Variants in MAP4K3 observed in about 807,000 individuals in gnomAD.
MAP4K3 encodes the protein mitogen-activated protein kinase kinase kinase kinase 3.
Under a neutral mutation model 143.5 loss-of-function variants are expected in MAP4K3, and 94 were observed. The observed-to-expected ratio is 0.65, with a 90% confidence interval of 0.55 to 0.78. MAP4K3 has a LOEUF of 0.78. Ranked by LOEUF, MAP4K3 falls within the 30% of genes least tolerant of loss-of-function variation. The probability of loss-of-function intolerance (pLI) is 0.00; values close to 1 mark genes in which losing one functional copy is unlikely to be tolerated. For synonymous variants in MAP4K3, 416 were observed against 347.2 expected (o/e 1.20, Z -2.20); for missense variants, 1,077 against 1,068.1 (o/e 1.01, Z -0.12).
At chr2:39,397,003 T>C (rs553754785) in intron 1 of MAP4K3, among the ~76,000 whole-genome samples, 2 of 152,182 alleles carry the variant, frequency 1.3e-5, no homozygotes, top group South Asian at 4.1e-4. Context: ...TTGTAACACA[T>C]ACCAATAAGT....
At chr2:39,345,287 G>A (rs1379057918) in intron 3 of MAP4K3, among the ~76,000 whole-genome samples, 1 of 150,434 alleles carries the variant, frequency 6.6e-6, no homozygotes, top group Non-Finnish European at 1.5e-5. Context: ...CTGAGGCAGG[G>A]TGCAGGGGGT....
chr2:39,395,749 A>C (rs568904326), intron 1 of MAP4K3, among the ~76,000 whole-genome samples: 18 of 152,158 alleles, frequency 1.2e-4, no homozygotes, highest in Non-Finnish European at 2.4e-4. Flanking sequence ...AGAATCAGAC[A>C]CTCAAATATG....
chr2:39,371,670 T>A (rs570259277), intron 2 of MAP4K3, among the ~76,000 whole-genome samples: 9 of 151,488 alleles, frequency 5.9e-5, no homozygotes, highest in African/African-American at 2.2e-4. Context: ...ATACACAGAC[T>A]AAAATAAAGG....
chr2:39,262,555 A>G (rs1002192405), intron 28 of MAP4K3, among the ~76,000 whole-genome samples: 3 of 152,160 alleles, frequency 2.0e-5, no homozygotes, highest in Non-Finnish European at 4.4e-5. Context: ...ACACAGAAAC[A>G]ACGCTTTAAA....
intron 1 of MAP4K3, among the ~76,000 whole-genome samples, chr2:39,383,391 G>C (rs1047709526): frequency 7.3e-6 from 1 of 137,342 alleles, no homozygotes; most frequent in Non-Finnish European, 1.6e-5. Context: ...AGAAGAGCAA[G>C]ACGGTAATCA....
chr2:39,287,879 G>C (rs958141432), intron 20 of MAP4K3, among the ~76,000 whole-genome samples: 5 of 152,140 alleles, frequency 3.3e-5, no homozygotes, highest in African/African-American at 4.8e-5. Context: ...CCAGTCTCTA[G>C]AAGAGAGAAG....
intron 1 of MAP4K3, among the ~76,000 whole-genome samples, chr2:39,380,036 T>C (rs1431587236): frequency 6.6e-6 from 1 of 152,130 alleles, no homozygotes; most frequent in Admixed American, 6.5e-5. Context: ...GGTTGACTTA[T>C]GAATACAATT....
At chr2:39,386,067 A>T (rs1343880686) in intron 1 of MAP4K3, among the ~76,000 whole-genome samples, 1 of 152,224 alleles carries the variant, frequency 6.6e-6, no homozygotes, top group Non-Finnish European at 1.5e-5. Flanking sequence ...GAACATGACT[A>T]TATTCAGAGG....
intron 13 of MAP4K3, among the ~76,000 whole-genome samples, chr2:39,310,332 G>A (rs1330937667): frequency 6.6e-6 from 1 of 152,082 alleles, no homozygotes; most frequent in Admixed American, 6.5e-5. Flanking sequence ...TACCACATAT[G>A]AATGAGGACA....
chr2:39,331,957 T>A lies in MAP4K3; in HGVS notation c.490A>T (p.Thr164Ser), dbSNP rs775743312. 5 of 1,575,760 alleles carry A rather than the reference T, an allele frequency of 3.2e-6. No individual in the cohort carries two copies. The Admixed American group carries it at 6.7e-5, about 21-fold the overall frequency. The stretch of plus-strand genomic sequence containing the variant: ...ATGAAAGACTTCCGTTTGGCAATTG[T>A]AGCTGTTATCTGTGCAGATACTCCA... ...DFGVSAQITA[T>S]IAKRKSFIGT... The change falls in exon 8 of 34, where the codon ACA becomes TCA. Residue 164 changes from threonine to serine, a missense_variant. This residue lies in a region of MAP4K3 where 213 missense variants were observed against 266.8 expected (regional missense o/e 0.80). Transcript: ENST00000263881.
chr2:39,343,273 T>C (rs1665192064), intron 4 of MAP4K3, 115 bp downstream of exon 4: 1 of 665,948 alleles, frequency 1.5e-6, no homozygotes, highest in Non-Finnish European at 2.5e-6. Context: ...CCAAACAATA[T>C]AACAATAAAA....
intron 2 of MAP4K3, among the ~76,000 whole-genome samples, chr2:39,376,199 A>G (rs1666213569): frequency 6.6e-6 from 1 of 152,186 alleles, no homozygotes; most frequent in African/African-American, 2.4e-5. Context: ...GTTTGTGATT[A>G]CACTTTTTGA....
intron 1 of MAP4K3, among the ~76,000 whole-genome samples, chr2:39,435,138 T>C (rs1271952434): frequency 1.3e-5 from 2 of 152,174 alleles, no homozygotes; most frequent in Admixed American, 1.3e-4. Context: ...GTGACTTGCA[T>C]CCATCCACTT....
chr2:39,344,531 C>CA (rs1665230772), intron 3 of MAP4K3, among the ~76,000 whole-genome samples: 1 of 152,174 alleles, frequency 6.6e-6, no homozygotes, highest in Non-Finnish European at 1.5e-5. Flanking sequence ...GCTGCTTTCA[C>CA]GCTAGAACAG....
chr2:39,301,999 G>A (rs977004020), intron 15 of MAP4K3, among the ~76,000 whole-genome samples: 2 of 151,630 alleles, frequency 1.3e-5, no homozygotes, highest in Non-Finnish European at 2.9e-5. Flanking sequence ...ACTCCAGCTT[G>A]GCGACAGAGA....
Position 39,436,758 on chromosome 2 carries a change from G to A in MAP4K3, c.96+134C>T, listed in dbSNP as rs1383772098. The A allele has an allele frequency of 9.8e-6, 7 of 714,168 alleles. No individual in the cohort carries two copies. In the African/African-American group the frequency reaches 1.1e-4, roughly 11 times the overall value. 44.2% of individuals were successfully genotyped at this position (714,168 alleles called of 1,614,324 possible). A position where few individuals can be genotyped will look rare whatever the true frequency, so the allele number is the denominator to read the frequency against. The stretch of plus-strand genomic sequence containing the variant: ...TCACCAAGGCAGCAGAGCCCTTGGC[G>A]TCCGCAGCTCCTCCTCCCCGACTGC... On this transcript the variant is annotated intron_variant, in intron 1 of 33. Transcript: ENST00000263881.
chr2:39,421,552 T>C lies in MAP4K3; in HGVS notation c.96+15340A>G, dbSNP rs550576327. On this transcript the variant is annotated intron_variant, in intron 1 of 33. Transcript: ENST00000263881. Reference sequence around the variant, plus strand: ...CTTTCTTTTTGTGTCTCAGTTTCTGTATCTGTAAAATGGAAATAACAATAC... The same window carrying C: ...CTTTCTTTTTGTGTCTCAGTTTCTGCATCTGTAAAATGGAAATAACAATAC... Among the ~76,000 whole-genome samples, 122 of 152,174 alleles carry C rather than the reference T, an allele frequency of 8.0e-4. 3 individuals are homozygous for C. The South Asian group carries it at 0.025, about 31-fold the overall frequency.
intron 13 of MAP4K3, among the ~76,000 whole-genome samples, chr2:39,311,612 G>T (rs1682940155): frequency 6.6e-6 from 1 of 152,212 alleles, no homozygotes; most frequent in Admixed American, 6.5e-5. Context: ...ACTTGCTCTG[G>T]AGGAAGTCAC....
chr2:39,379,702 A>G (rs1666310628), intron 1 of MAP4K3: 1 of 167,796 alleles, frequency 6.0e-6, no homozygotes, highest in African/African-American at 2.4e-5. Flanking sequence ...ATCTCCTCCA[A>G]ATAAGACAAC....
Sources: allele counts gnomAD v4.1 joint callset (sites outside exome capture counted in the v4.1 genomes callset), GRCh38; gene constraint gnomAD v4.1.1; regional missense constraint gnomAD v4.1.1; transcripts MANE v1.5; gene names NCBI Gene and HGNC (gene_info 2026-07-23, HGNC 2026-07-21).